The following PCDH15 variants were observed in gnomAD, a reference collection of about 807,000 sequenced individuals.
PCDH15 encodes the protein protocadherin-15.
Under a neutral mutation model 178.5 loss-of-function variants are expected in PCDH15, and 129 were observed. The observed-to-expected ratio is 0.72, with a 90% CI of 0.63 to 0.84. The LOEUF (loss-of-function observed/expected upper bound fraction) is 0.84, where lower values mean the gene tolerates loss of function less well. Among genes scored for constraint, PCDH15 ranks in the 40% least tolerant of loss-of-function variants. PCDH15 has a pLI of 0.00. For missense variants in PCDH15, 2,230 were observed against 2,099.9 expected (o/e 1.06, Z -1.21); for synonymous variants, 800 against 732.0 (o/e 1.09, Z -1.50).
intron 2 of PCDH15, among the ~76,000 whole-genome samples, chr10:55,588,063 T>C (rs766191924): frequency 1.3e-5 from 2 of 152,190 alleles, no homozygotes; most frequent in African/African-American, 2.4e-5. Flanking sequence ...CCTTTTCTAA[T>C]GGACAAAGCA....
intron 2 of PCDH15, among the ~76,000 whole-genome samples, chr10:54,543,058 G>T (rs1170302503): frequency 6.6e-6 from 1 of 152,170 alleles, no homozygotes; most frequent in South Asian, 2.1e-4. Context: ...CCACCCACTG[G>T]TGGAAGGAGG....
intron 2 of PCDH15, among the ~76,000 whole-genome samples, chr10:55,581,200 T>C (rs1174253837): frequency 6.6e-6 from 1 of 152,152 alleles, no homozygotes; most frequent in Non-Finnish European, 1.5e-5. Context: ...TTTTTAAATG[T>C]TTAGTTTATG....
intron 2 of PCDH15, among the ~76,000 whole-genome samples, chr10:55,087,040 A>G (rs1400042044): frequency 1.3e-5 from 2 of 152,110 alleles, no homozygotes; most frequent in Non-Finnish European, 2.9e-5. Context: ...TACAAACCAA[A>G]AGAAAGCTAC....
intron 1 of PCDH15, among the ~76,000 whole-genome samples, chr10:55,250,758 A>G (rs1841816836): frequency 6.6e-6 from 1 of 150,872 alleles, no homozygotes; most frequent in South Asian, 2.1e-4. Flanking sequence ...GCTGGTCTTG[A>G]ACTCCTGACC....
chr10:54,522,791 A>G (rs1197330828), intron 3 of PCDH15, among the ~76,000 whole-genome samples: 1 of 152,228 alleles, frequency 6.6e-6, no homozygotes, highest in African/African-American at 2.4e-5. Context: ...TGTATTGGGC[A>G]TGTGTTCAAG....
intron 18 of PCDH15, among the ~76,000 whole-genome samples, chr10:54,050,661 T>G (rs1403296749): frequency 6.6e-6 from 1 of 152,148 alleles, no homozygotes; most frequent in East Asian, 1.9e-4. Flanking sequence ...GGCATGATGA[T>G]AGAGTATTAA....
intron 3 of PCDH15, among the ~76,000 whole-genome samples, chr10:54,854,544 G>A (rs538721798): frequency 6.6e-6 from 1 of 152,086 alleles, no homozygotes; most frequent in Admixed American, 6.5e-5. Flanking sequence ...TGCAGCCAGA[G>A]TGTCCCAATG....
At chr10:54,379,324 C>T (rs903257716) in intron 3 of PCDH15, among the ~76,000 whole-genome samples, 1 of 151,924 alleles carries the variant, frequency 6.6e-6, no homozygotes, top group Admixed American at 6.6e-5. Flanking sequence ...TCTGTTAGAC[C>T]TCTGATGTGA....
chr10:55,028,955 T>C (rs1166902372), intron 2 of PCDH15, among the ~76,000 whole-genome samples: 1 of 139,052 alleles, frequency 7.2e-6, no homozygotes, highest in Admixed American at 7.4e-5. Flanking sequence ...AACATTTACT[T>C]AACCATTTTA....
intron 2 of PCDH15, among the ~76,000 whole-genome samples, chr10:54,609,832 G>C (rs2092902888): frequency 6.6e-6 from 1 of 151,866 alleles, no homozygotes; most frequent in Non-Finnish European, 1.5e-5. Context: ...TTTTTCCCTA[G>C]AGGAAATGTA....
chr10:54,334,156 C>T (rs903971269), intron 6 of PCDH15, among the ~76,000 whole-genome samples: 4 of 152,144 alleles, frequency 2.6e-5, no homozygotes, highest in African/African-American at 9.7e-5. Context: ...ACCTGGCCTC[C>T]ATTAAGAAAG....
intron 16 of PCDH15, among the ~76,000 whole-genome samples, chr10:54,081,953 T>C (rs1040947961): frequency 3.9e-5 from 6 of 152,146 alleles, no homozygotes; most frequent in African/African-American, 1.4e-4. Flanking sequence ...CACAGGTTTA[T>C]AGCAACCAGA....
chr10:54,012,551 A>G (rs1277573417), intron 20 of PCDH15, among the ~76,000 whole-genome samples: 2 of 152,110 alleles, frequency 1.3e-5, no homozygotes, highest in African/African-American at 4.8e-5. Context: ...AGAAAGAAAG[A>G]GCAGGAAACC....
At chr10:55,437,932 G>C (rs1839085382) in intron 2 of PCDH15, among the ~76,000 whole-genome samples, 1 of 148,626 alleles carries the variant, frequency 6.7e-6, no homozygotes, top group Non-Finnish European at 1.5e-5. Context: ...CTGCCTCCCG[G>C]GTTCAAGCAG....
At chr10:54,491,811 A>C (rs1380459726) in intron 3 of PCDH15, among the ~76,000 whole-genome samples, 2 of 152,134 alleles carry the variant, frequency 1.3e-5, no homozygotes, top group African/African-American at 4.8e-5. Context: ...TATCCCTTTT[A>C]GGAATATATG....
intron 2 of PCDH15, among the ~76,000 whole-genome samples, chr10:55,526,706 C>T (rs983075880): frequency 2.0e-5 from 3 of 152,200 alleles, no homozygotes; most frequent in Admixed American, 6.6e-5. Context: ...ATAATTTATG[C>T]TTGTGACTGT....
At chr10:54,761,347 C>A (rs537815624) in intron 1 of PCDH15, among the ~76,000 whole-genome samples, 72 of 152,232 alleles carry the variant, frequency 4.7e-4, no homozygotes, top group Non-Finnish European at 9.1e-4. Context: ...ATATGCTCAA[C>A]TCTGAAGCTA....
chr10:54,325,330 C>CT (rs138805353), intron 7 of PCDH15, among the ~76,000 whole-genome samples: 3,154 of 152,172 alleles, frequency 0.021, 100 homozygotes, highest in African/African-American at 0.067. Flanking sequence ...TGTAATTATT[C>CT]TTTTAGAGGC....
intron 2 of PCDH15, among the ~76,000 whole-genome samples, chr10:55,388,544 T>C (rs1232465540): frequency 1.3e-5 from 2 of 151,896 alleles, no homozygotes; most frequent in East Asian, 3.9e-4. Flanking sequence ...ATTAACAGGG[T>C]TTTTAGATTT....
Sources: allele counts gnomAD v4.1 joint callset (sites outside exome capture counted in the v4.1 genomes callset), GRCh38; gene constraint gnomAD v4.1.1; transcripts MANE v1.5; gene names NCBI Gene and HGNC (gene_info 2026-07-23, HGNC 2026-07-21).